VCL: variants seen among roughly 807,000 people sequenced by gnomAD.
The protein encoded by VCL is epididymis luminal protein 114.
VCL carries 47 observed loss-of-function variants against 125.7 expected under a neutral mutation model. The ratio of observed to expected loss-of-function variants is 0.37; its 90% CI spans 0.30 to 0.48. The LOEUF (loss-of-function observed/expected upper bound fraction) is 0.48, where lower values mean the gene tolerates loss of function less well. Among genes scored for constraint, VCL ranks in the 20% least tolerant of loss-of-function variants. The pLI is 0.99. For missense variants in VCL, 1,069 were observed against 1,455.5 expected (o/e 0.73, Z 4.32); for synonymous variants, 458 against 514.6 (o/e 0.89, Z 1.49).
intron 1 of VCL, among the ~76,000 whole-genome samples, chr10:73,999,633 C>T (rs1321068367): frequency 1.3e-5 from 2 of 152,158 alleles, no homozygotes; most frequent in Admixed American, 6.6e-5. Flanking sequence ...GATTTGAGCA[C>T]TTTAGTGCAC....
At position 74,083,458 on chromosome 10, in the gene VCL, G is replaced by C; in HGVS notation, c.967G>C (p.Gly323Arg). ...CAGKERREIL[G>R]TCKMLGQMTD... Reference sequence around the variant, plus strand: ...AGGCAAAGAACGCAGGGAGATTCTGGGAACTTGCAAAATGCTAGGGCAGAT... The same window carrying C: ...AGGCAAAGAACGCAGGGAGATTCTGCGAACTTGCAAAATGCTAGGGCAGAT... Residue 323 changes from glycine to arginine, a missense_variant, in exon 8 of 22, where the codon GGA becomes CGA. Gly to Arg is a moderately radical substitution (Grantham distance 125). Coordinates refer to ENST00000211998, the MANE Select transcript of VCL (RefSeq NM_014000.3). 3 of 1,614,082 alleles carry C rather than the reference G, an allele frequency of 1.9e-6. No individual in the cohort carries two copies. The highest frequency in any genetic ancestry group is 2.5e-6 in the Non-Finnish European group (3 of 1,179,970).
At chr10:73,999,950 A>G (rs1840196123) in intron 1 of VCL, among the ~76,000 whole-genome samples, 1 of 152,206 alleles carries the variant, frequency 6.6e-6, no homozygotes, top group Non-Finnish European at 1.5e-5. Context: ...AACAAATAGG[A>G]AACAATGTAA....
intron 12 of VCL, 112 bp downstream of exon 12, chr10:74,095,967 T>G: frequency 1.5e-6 from 2 of 1,305,992 alleles, no homozygotes; most frequent in Non-Finnish European, 2.1e-6. Context: ...CTAGGGAAAA[T>G]GAAAAGAGTG....
intron 8 of VCL, 71 bp from the exon 9 acceptor site, chr10:74,089,125 G>C (rs1839835321): frequency 6.2e-7 from 1 of 1,602,638 alleles, no homozygotes; most frequent in Non-Finnish European, 8.5e-7. Context: ...CACATGTACT[G>C]TGCTATTGGG....
At chr10:74,024,042 C>T (rs1228274606) in intron 1 of VCL, among the ~76,000 whole-genome samples, 10 of 152,102 alleles carry the variant, frequency 6.6e-5, no homozygotes, top group Non-Finnish European at 1.3e-4. Flanking sequence ...GTACAGATAT[C>T]ATAAAGGTTA....
At chr10:74,103,647 A>T (rs931337962) in intron 14 of VCL, among the ~76,000 whole-genome samples, 173 bp from the exon 15 acceptor site, 9 of 152,192 alleles carry the variant, frequency 5.9e-5, no homozygotes, top group Admixed American at 4.6e-4. Context: ...TGAAGGGCCC[A>T]TTCTGGGGAG....
At chr10:74,104,034 G>T in intron 15 of VCL, 106 bp downstream of exon 15, 1 of 1,139,980 alleles carries the variant, frequency 8.8e-7, no homozygotes, top group South Asian at 1.3e-5. Flanking sequence ...ATAAAGGGCC[G>T]GTCACGTGCT....
At chr10:74,107,429 T>C (rs1316866363) in intron 17 of VCL, 75 bp downstream of exon 17, 8 of 1,611,176 alleles carry the variant, frequency 5.0e-6, no homozygotes, top group African/African-American at 1.3e-5. Context: ...TAGATTGTGT[T>C]TTAGAGCCTC....
chr10:74,037,994 CTTTTCTTTTTTTTT>C (rs1841015514), intron 1 of VCL, among the ~76,000 whole-genome samples: 1 of 118,612 alleles, frequency 8.4e-6, no homozygotes, highest in African/African-American at 3.5e-5. Flanking sequence ...TTTTTCTTTT[CTTTTCTTTTTTTTT>C]TTTTTTTGAG....
intron 16 of VCL, among the ~76,000 whole-genome samples, chr10:74,105,595 C>T (rs1226708507): frequency 6.6e-6 from 1 of 152,064 alleles, no homozygotes; most frequent in Admixed American, 6.5e-5. Context: ...TTGAGACTCT[C>T]ACCCAGGCCA....
At chr10:74,005,937 G>A (rs976683329) in intron 1 of VCL, among the ~76,000 whole-genome samples, 3 of 151,822 alleles carry the variant, frequency 2.0e-5, no homozygotes, top group Non-Finnish European at 4.4e-5. Context: ...CCAGGCTGGA[G>A]TGCAATTGCA....
At chr10:74,075,086 T>C (rs1164448950) in intron 6 of VCL, 183 bp downstream of exon 6, 2 of 789,684 alleles carry the variant, frequency 2.5e-6, no homozygotes, top group Admixed American at 2.7e-5. Flanking sequence ...CTAATTTCCT[T>C]TGTTCTAAGG....
intron 1 of VCL, among the ~76,000 whole-genome samples, chr10:74,037,810 G>T (rs950171826): frequency 1.3e-5 from 2 of 152,156 alleles, no homozygotes; most frequent in African/African-American, 4.8e-5. Flanking sequence ...TATAGTAGCT[G>T]TGTGAAGAAT....
At chr10:74,089,829 TA>T (rs997263939) in intron 9 of VCL, among the ~76,000 whole-genome samples, 193 bp from the exon 10 acceptor site, 1 of 151,996 alleles carries the variant, frequency 6.6e-6, no homozygotes, top group Non-Finnish European at 1.5e-5. Flanking sequence ...CTAATGGGTG[TA>T]AAAAAATTGA....
chr10:74,031,976 A>C (rs1436149517), intron 1 of VCL, among the ~76,000 whole-genome samples: 1 of 150,912 alleles, frequency 6.6e-6, no homozygotes, highest in Non-Finnish European at 1.5e-5. Flanking sequence ...AGGCAGGAGA[A>C]TCACTTGAAC....
chr10:74,108,451 A>C (rs1840171065), intron 17 of VCL, among the ~76,000 whole-genome samples: 1 of 151,880 alleles, frequency 6.6e-6, no homozygotes. Flanking sequence ...GGATGCAACC[A>C]AAACAGTAGC....
chr10:74,117,512 A>C (rs1840329574), intron 21 of VCL, among the ~76,000 whole-genome samples: 1 of 152,148 alleles, frequency 6.6e-6, no homozygotes, highest in African/African-American at 2.4e-5. Context: ...AAAATTACCC[A>C]GATGTGGCAG....
intron 1 of VCL, among the ~76,000 whole-genome samples, chr10:74,030,831 G>A (rs896294326): frequency 1.3e-5 from 2 of 152,096 alleles, no homozygotes; most frequent in African/African-American, 4.8e-5. Flanking sequence ...TAAGCTTGTG[G>A]GAGTTATTTA....
chr10:74,036,764 G>GT (rs1422639332), intron 1 of VCL, among the ~76,000 whole-genome samples: 1 of 151,564 alleles, frequency 6.6e-6, no homozygotes, highest in African/African-American at 2.4e-5. Context: ...TTGCAAAGTT[G>GT]TAGTCTACAT....
Sources: gnomAD v4.1 joint callset for allele counts (sites outside exome capture counted in the v4.1 genomes callset) on GRCh38, gnomAD v4.1.1 for gene constraint, MANE v1.5 for transcripts, NCBI Gene and HGNC (gene_info 2026-07-23, HGNC 2026-07-21) for gene names.